SMAP2: variants seen among roughly 807,000 people sequenced by gnomAD.
SMAP2 encodes the protein stromal membrane-associated protein 2.
A neutral mutation model predicts 56.4 loss-of-function variants in SMAP2; 25 were observed. That is an observed-to-expected ratio of 0.44 (90% CI 0.32 to 0.62). The LOEUF is 0.62. Among genes scored for constraint, SMAP2 ranks in the 20% least tolerant of loss-of-function variants. SMAP2 has a pLI of 0.04. For missense variants in SMAP2, 388 were observed against 545.6 expected, an observed-to-expected ratio of 0.71 and a Z score of 2.88; for synonymous variants, 157 against 181.7, an observed-to-expected ratio of 0.86 and a Z score of 1.09.
chr1:40,397,297 T>A (rs1306550541), intron 1 of SMAP2, among the ~76,000 whole-genome samples: 1 of 152,220 alleles, frequency 6.6e-6, no homozygotes, highest in East Asian at 1.9e-4. Context: ...GGATCATTTC[T>A]CTACCATCCC....
intron 1 of SMAP2, among the ~76,000 whole-genome samples, chr1:40,389,079 CTG>C (rs1404940978): frequency 6.6e-6 from 1 of 152,192 alleles, no homozygotes; most frequent in Non-Finnish European, 1.5e-5. Context: ...CCTTTAAGAA[CTG>C]TAACACTCAC....
At position 40,423,078 on chromosome 1, in the gene SMAP2, C is replaced by G. The variant is rs1289407523; in HGVS notation, c.*977C>G. ...CCATGTCATTGATAACTCCCTTTCT[C>G]CCTTCCCTTCTCCCGGTCTGCTGAT... On this transcript the variant is annotated 3_prime_UTR_variant, in exon 10 of 10. Transcript: ENST00000372718. 1 of 152,654 alleles carries G rather than the reference C, an allele frequency of 6.6e-6. No individual in the cohort carries two copies. Among genetic ancestry groups the G allele is most frequent in the Non-Finnish European group, 1.5e-5 (1 of 68,058 alleles). The allele number at this position is 152,654 out of a possible 1,614,324, so 9.5% of individuals were successfully genotyped here.
At chr1:40,404,376 A>G (rs537736448) in intron 1 of SMAP2, among the ~76,000 whole-genome samples, 3 of 152,320 alleles carry the variant, frequency 2.0e-5, no homozygotes, top group Non-Finnish European at 4.4e-5. Flanking sequence ...ATGAAAATAC[A>G]GTTGCCTGTA....
intron 1 of SMAP2, among the ~76,000 whole-genome samples, chr1:40,360,595 G>T (rs1297675385): frequency 6.6e-6 from 1 of 152,172 alleles, no homozygotes; most frequent in Non-Finnish European, 1.5e-5. Context: ...GAGCCACTGT[G>T]CCCAGCCCAA....
intron 1 of SMAP2, among the ~76,000 whole-genome samples, chr1:40,380,351 G>C (rs1385352256): frequency 1.3e-5 from 2 of 152,114 alleles, no homozygotes; most frequent in Non-Finnish European, 2.9e-5. Flanking sequence ...GATTAGACCA[G>C]GGAATTTCTT....
chr1:40,406,787 C>G lies in SMAP2; in HGVS notation c.155C>G (p.Ala52Gly). ...NIGVFICIRC[A>G]GIHRNLGVHI... is the part of the protein sequence containing the mutation. ...GGTGTGTTCATCTGCATTCGATGTG[C>G]TGGAATCCACAGGAATCTGGGGGTG... Residue 52 changes from alanine to glycine, a missense_variant, in exon 2 of 10, where the codon GCT becomes GGT. By Grantham distance (60) the Ala-to-Gly change is moderately conservative (BLOSUM62 0). Transcript: ENST00000372718. The G allele has an allele frequency of 1.2e-6, 2 of 1,614,106 alleles. No homozygotes were observed. The highest frequency in any genetic ancestry group is 1.7e-6 in the Non-Finnish European group (2 of 1,179,986).
At chr1:40,354,265 C>A (rs1311607835) in intron 1 of SMAP2, among the ~76,000 whole-genome samples, 1 of 152,110 alleles carries the variant, frequency 6.6e-6, no homozygotes, top group Non-Finnish European at 1.5e-5. Context: ...ACTGCCTCAA[C>A]AGGAAATGTC....
chr1:40,406,071 A>G (rs1281045719), intron 1 of SMAP2, among the ~76,000 whole-genome samples: 3 of 152,150 alleles, frequency 2.0e-5, no homozygotes, highest in Non-Finnish European at 4.4e-5. Context: ...AGCCATGGAC[A>G]AGCATGCCAT....
At chr1:40,345,255 A>AT (rs1290038595) in intron 1 of SMAP2, among the ~76,000 whole-genome samples, 1 of 152,046 alleles carries the variant, frequency 6.6e-6, no homozygotes, top group Non-Finnish European at 1.5e-5. Flanking sequence ...ATTAAAAAAT[A>AT]TATCTGGGCA....
chr1:40,399,256 T>G (rs1644803827), intron 1 of SMAP2, among the ~76,000 whole-genome samples: 1 of 151,536 alleles, frequency 6.6e-6, no homozygotes, highest in Admixed American at 6.6e-5. Flanking sequence ...GTGATTCTCC[T>G]GCCTTAGCCT....
At chr1:40,379,397 A>T (rs980122474) in intron 1 of SMAP2, among the ~76,000 whole-genome samples, 1 of 152,102 alleles carries the variant, frequency 6.6e-6, no homozygotes, top group African/African-American at 2.4e-5. Flanking sequence ...AGCTCTTGAC[A>T]TCTGTATTTT....
At chr1:40,416,710 C>T (rs1377392984) in intron 8 of SMAP2, 70 bp from the exon 9 acceptor site, 9 of 1,463,148 alleles carry the variant, frequency 6.2e-6, no homozygotes, top group Non-Finnish European at 7.5e-6. Flanking sequence ...AAAGGGTTAG[C>T]CAGGGAGAGT....
At chr1:40,391,784 TTTTTG>T (rs1240393675) in intron 1 of SMAP2, among the ~76,000 whole-genome samples, 3 of 152,114 alleles carry the variant, frequency 2.0e-5, no homozygotes, top group African/African-American at 7.2e-5. Flanking sequence ...CAGCTTTAGT[TTTTTG>T]TTTTGTTTTG....
chr1:40,415,306 G>C lies in SMAP2; in HGVS notation c.606G>C (p.Lys202Asn). 2 of 1,613,962 alleles carry C rather than the reference G, an allele frequency of 1.2e-6. No homozygotes were observed. Among genetic ancestry groups the C allele is most frequent in the Non-Finnish European group, 1.7e-6 (2 of 1,179,860 alleles). The change falls in exon 7 of 10, where the codon AAG (lysine) becomes AAC (asparagine). Residue 202 changes from lysine (K) to asparagine (N), a missense_variant. Physicochemically the swap from Lys to Asn is moderately conservative, Grantham distance 94. Coordinates refer to ENST00000372718, the MANE Select transcript of SMAP2 (RefSeq NM_022733.3). Reference protein sequence around the residue: ...APVACSIANSKTSNTLEKDLD... With the variant: ...APVACSIANSNTSNTLEKDLD... ...TGGCCTGCTCCATTGCAAATAGTAA[G>C]ACCAGCAATACCCTAGAGAAGGATT...
chr1:40,392,946 C>T (rs1196623626), intron 1 of SMAP2, among the ~76,000 whole-genome samples: 1 of 151,786 alleles, frequency 6.6e-6, no homozygotes. Flanking sequence ...ACTAAAGACA[C>T]AAAAAATTAG....
In SMAP2 at chr1:40,410,228, G is replaced by A. The variant is rs1054081870; in HGVS notation, c.402+393G>A. Reference sequence around the variant, plus strand: ...ACCACTTCATTCCAGTCTAGGCAACGGAGTTTGACCCTGTCTCAATATAAA... The same window carrying A: ...ACCACTTCATTCCAGTCTAGGCAACAGAGTTTGACCCTGTCTCAATATAAA... On this transcript the variant is annotated intron_variant, in intron 4 of 9. Transcript: ENST00000372718. Among the ~76,000 whole-genome samples, 7 of 152,146 alleles carry A rather than the reference G, an allele frequency of 4.6e-5. No individual in the cohort carries two copies. The South Asian group carries it at 8.3e-4, about 18-fold the overall frequency.
chr1:40,400,259 A>C (rs1161205609), intron 1 of SMAP2, among the ~76,000 whole-genome samples: 1 of 152,260 alleles, frequency 6.6e-6, no homozygotes, highest in Non-Finnish European at 1.5e-5. Flanking sequence ...AGGCTGCGGA[A>C]GGAGGCATGG....
At chr1:40,390,053 T>C (rs1408036122) in intron 1 of SMAP2, among the ~76,000 whole-genome samples, 1 of 152,156 alleles carries the variant, frequency 6.6e-6, no homozygotes, top group African/African-American at 2.4e-5. Context: ...TGTTCTATTC[T>C]GAAACGCCTG....
chr1:40,413,218 G>A, intron 5 of SMAP2, 116 bp downstream of exon 5: 1 of 781,582 alleles, frequency 1.3e-6, no homozygotes, highest in South Asian at 1.5e-5. Context: ...TGGGGCTAAA[G>A]GGTTCTGCAT....
Sources: allele counts gnomAD v4.1 joint callset (sites outside exome capture counted in the v4.1 genomes callset), GRCh38; gene constraint gnomAD v4.1.1; transcripts MANE v1.5; gene names NCBI Gene and HGNC (gene_info 2026-07-23, HGNC 2026-07-21).